The following ANK1 variants were observed in gnomAD, a reference collection of about 807,000 sequenced individuals.
ANK1 encodes the protein ankyrin 1.
ANK1 carries 51 observed loss-of-function variants against 210.4 expected under a neutral mutation model. The ratio of observed to expected loss-of-function variants is 0.24; its 90% CI spans 0.19 to 0.31. ANK1 has a LOEUF of 0.31. ANK1 is among the 10% of genes least tolerant of loss of function. The pLI, the probability that ANK1 is intolerant of heterozygous loss-of-function variation, is 1.00. For missense variants in ANK1, 2,051 were observed against 2,504.4 expected, an observed-to-expected ratio of 0.82 and a Z score of 3.86; for synonymous variants, 967 against 1,025.9, an observed-to-expected ratio of 0.94 and a Z score of 1.10.
At chr8:41,705,114 G>A (rs1824203225) in intron 18 of ANK1, among the ~76,000 whole-genome samples, 1 of 152,246 alleles carries the variant, frequency 6.6e-6, no homozygotes, top group African/African-American at 2.4e-5. Context: ...AGTCTGGGCT[G>A]TTCAAGGAGT....
At chr8:41,850,749 T>C (rs1811090234) in intron 1 of ANK1, among the ~76,000 whole-genome samples, 1 of 152,250 alleles carries the variant, frequency 6.6e-6, no homozygotes, top group Non-Finnish European at 1.5e-5. Context: ...CCCAAAGTGC[T>C]GGGATTACAA....
intron 1 of ANK1, among the ~76,000 whole-genome samples, chr8:41,838,784 A>ATAATAC (rs1808308650): frequency 6.7e-6 from 1 of 149,406 alleles, no homozygotes; most frequent in Non-Finnish European, 1.5e-5. Flanking sequence ...AATAATAATA[A>ATAATAC]TAATAATAAA....
chr8:41,684,505 G>A, intron 37 of ANK1, 39 bp downstream of exon 37: 1 of 1,611,530 alleles, frequency 6.2e-7, no homozygotes, highest in Non-Finnish European at 8.5e-7. Context: ...GTAGGGCAGG[G>A]CTCCGGCTCA....
At chr8:41,833,323 C>T (rs1807024000) in intron 1 of ANK1, among the ~76,000 whole-genome samples, 1 of 152,202 alleles carries the variant, frequency 6.6e-6, no homozygotes, top group Non-Finnish European at 1.5e-5. Flanking sequence ...CCAAGTGCCC[C>T]GTGGTGATAG....
At chr8:41,856,401 AG>A in intron 1 of ANK1, among the ~76,000 whole-genome samples, 1 of 152,308 alleles carries the variant, frequency 6.6e-6, no homozygotes, top group African/African-American at 2.4e-5. Flanking sequence ...TAGAGAGGAG[AG>A]GCTTTATGCA....
chr8:41,756,725 G>A (rs762354311), intron 2 of ANK1, among the ~76,000 whole-genome samples: 5 of 152,224 alleles, frequency 3.3e-5, no homozygotes, highest in Non-Finnish European at 5.9e-5. Flanking sequence ...TTACAGGCAT[G>A]AGCCACTACA....
intron 1 of ANK1, among the ~76,000 whole-genome samples, chr8:41,763,679 G>T (rs957618059): frequency 2.0e-5 from 3 of 152,000 alleles, no homozygotes; most frequent in Non-Finnish European, 4.4e-5. Flanking sequence ...AATGCTAGGA[G>T]GTCCCACTCA....
intron 36 of ANK1, 77 bp from the exon 37 acceptor site, chr8:41,684,767 G>A (rs1586058538): frequency 6.5e-7 from 1 of 1,533,216 alleles, no homozygotes; most frequent in East Asian, 2.2e-5. Flanking sequence ...AATGGGGCCA[G>A]GATGAAGATG....
intron 2 of ANK1, among the ~76,000 whole-genome samples, chr8:41,734,616 G>C (rs1306015796): frequency 6.6e-6 from 1 of 151,966 alleles, no homozygotes; most frequent in Admixed American, 6.6e-5. Flanking sequence ...CTTTGGCCCA[G>C]TACAGTGGCT....
Position 41,758,147 on chromosome 8 carries a change from A to T in ANK1, c.28-10T>A, listed in dbSNP as rs1166290002. The T allele has an allele frequency of 6.2e-7, 1 of 1,612,064 alleles. No homozygotes were observed. The highest frequency in any genetic ancestry group is 2.2e-5 in the East Asian group (1 of 44,864). ...TGGTAGCAGCATCGGCCTGTGAGGAAAAACAACAGGCGGTGAGTGTCCTGG... is the reference window on the plus strand; with the variant it reads ...TGGTAGCAGCATCGGCCTGTGAGGATAAACAACAGGCGGTGAGTGTCCTGG... On this transcript the variant is annotated splice_polypyrimidine_tract_variant and intron_variant, in intron 1 of 42. Coordinates refer to ENST00000289734, the MANE Select transcript of ANK1 (RefSeq NM_000037.4).
chr8:41,803,085 GAAGGAAAGGA>G (rs199946467), intron 1 of ANK1, among the ~76,000 whole-genome samples: 1,694 of 59,976 alleles, frequency 0.028, 32 homozygotes, highest in East Asian at 0.11. Flanking sequence ...GGAAGGAAGG[GAAGGAAAGGA>G]AAGGAAAGGA....
chr8:41,872,852 C>T (rs1417659396), intron 1 of ANK1, among the ~76,000 whole-genome samples: 1 of 152,242 alleles, frequency 6.6e-6, no homozygotes, highest in Non-Finnish European at 1.5e-5. Flanking sequence ...CACAGCCGCC[C>T]TCGCGAGCCA....
At chr8:41,856,376 A>G (rs1212952700) in intron 1 of ANK1, among the ~76,000 whole-genome samples, 1 of 152,214 alleles carries the variant, frequency 6.6e-6, no homozygotes, top group Non-Finnish European at 1.5e-5. Context: ...CTCTGCCCGA[A>G]TATGATTTAG....
chr8:41,815,428 C>T (rs960996034), intron 1 of ANK1, among the ~76,000 whole-genome samples: 9 of 151,918 alleles, frequency 5.9e-5, no homozygotes, highest in African/African-American at 1.9e-4. Flanking sequence ...TTTTAAAAAC[C>T]GTTATAATAA....
chr8:41,828,485 G>C (rs1330824808), intron 1 of ANK1: 1 of 154,320 alleles, frequency 6.5e-6, no homozygotes, highest in Non-Finnish European at 1.5e-5. Context: ...GCCAGCCTCT[G>C]TGTCCTGCCA....
rs116905483 is a variant in ANK1, at chr8:41,839,904, T to C, written c.126+56451A>G. 7.0e-3 allele frequency among the ~76,000 whole-genome samples: 1,062 copies of C among 152,292 alleles called. 7 individuals are homozygous for C. The highest frequency in any genetic ancestry group is 0.01 in the Middle Eastern group (3 of 294). ...GTTAATAAAACTGTATCAACACTGGTTCATTCATTACAACAAATGAAGCAT... is the reference window on the plus strand; with the variant it reads ...GTTAATAAAACTGTATCAACACTGGCTCATTCATTACAACAAATGAAGCAT... On this transcript the variant is annotated intron_variant, in intron 1 of 42. Transcript: ENST00000265709.
intron 6 of ANK1, 91 bp downstream of exon 6, chr8:41,725,670 C>T: frequency 1.3e-6 from 2 of 1,520,714 alleles, no homozygotes; most frequent in Non-Finnish European, 1.8e-6. Context: ...ACGCTCGGTT[C>T]TCCTGCCTGG....
At chr8:41,756,738 G>A (rs76144180) in intron 2 of ANK1, among the ~76,000 whole-genome samples, 47,608 of 152,160 alleles carry the variant, frequency 0.31, 7,930 homozygotes, top group Middle Eastern at 0.41. Flanking sequence ...CCACTACACC[G>A]GATAGTATTT....
chr8:41,835,273 TG>T (rs1807444087), intron 1 of ANK1, among the ~76,000 whole-genome samples: 1 of 152,100 alleles, frequency 6.6e-6, no homozygotes, highest in Admixed American at 6.5e-5. Context: ...ACCAAAATGG[TG>T]AAACCCGTTT....
Sources: allele counts gnomAD v4.1 joint callset (sites outside exome capture counted in the v4.1 genomes callset), GRCh38; gene constraint gnomAD v4.1.1; transcripts MANE v1.5; gene names NCBI Gene and HGNC (gene_info 2026-07-23, HGNC 2026-07-21).